Variants in NECTIN4 observed in about 807,000 individuals in gnomAD.
NECTIN4 encodes the protein nectin-4.
A neutral mutation model predicts 51.7 loss-of-function variants in NECTIN4; 19 were observed. The ratio of observed to expected loss-of-function variants is 0.37; its 90% confidence interval spans 0.26 to 0.54. The LOEUF (loss-of-function observed/expected upper bound fraction) is 0.54, where lower values mean the gene tolerates loss of function less well. NECTIN4 is among the 20% of genes least tolerant of loss of function. The pLI is 0.86. For missense variants in NECTIN4, 619 were observed against 662.4 expected, an observed-to-expected ratio of 0.93 and a Z score of 0.72; for synonymous variants, 283 against 286.9, an observed-to-expected ratio of 0.99 and a Z score of 0.14.
chr1:161,079,996 G>T, intron 1 of NECTIN4, 47 bp from the exon 2 acceptor site: 1 of 1,548,798 alleles, frequency 6.5e-7, no homozygotes, highest in Non-Finnish European at 8.7e-7. Flanking sequence ...TGCTGCCAGA[G>T]CTGGGGGAGC....
In NECTIN4 at chr1:161,071,728, A is replaced by G. The variant is rs934839732; in HGVS notation, c.*933T>C. The G allele has an allele frequency of 6.6e-6, 1 of 152,014 alleles. No homozygotes were observed. The highest frequency in any genetic ancestry group is 6.6e-5 in the Admixed American group (1 of 15,250). The allele number at this position is 152,014 out of a possible 1,614,324, so 9.4% of individuals were successfully genotyped here. A position where few individuals can be genotyped will look rare whatever the true frequency, so the allele number is the denominator to read the frequency against. On this transcript the variant is annotated 3_prime_UTR_variant, in exon 9 of 9. Transcript: ENST00000368012. ...TTTCTCTTCGTAAAGGATTCAAAGC[A>G]GGCACAGTGGTGTACACTTAAAGTC...
chr1:161,072,188 A>G lies in NECTIN4; in HGVS notation c.*473T>C. 3.9e-6 allele frequency: 1 copy of G among 259,392 alleles called. No homozygotes were observed. The highest frequency in any genetic ancestry group is 7.7e-6 in the Non-Finnish European group (1 of 129,978). 16.1% of individuals were successfully genotyped at this position (259,392 alleles called of 1,614,324 possible). A position where few individuals can be genotyped will look rare whatever the true frequency, so the allele number is the denominator to read the frequency against. Reference sequence around the variant, plus strand: ...CCACAGTCTCCACCTCTCTCCTCCAACCTCTGCATCATTAATACTGCTCTG... The same window carrying G: ...CCACAGTCTCCACCTCTCTCCTCCAGCCTCTGCATCATTAATACTGCTCTG... On this transcript the variant is annotated 3_prime_UTR_variant, in exon 9 of 9. Transcript: ENST00000368012.
chr1:161,079,540 TC>T, intron 2 of NECTIN4, 49 bp downstream of exon 2: 1 of 1,594,830 alleles, frequency 6.3e-7, no homozygotes, highest in Non-Finnish European at 8.5e-7. Flanking sequence ...CATCTCTGCT[TC>T]CCCCTGCATC....
Position 161,079,761 on chromosome 1 carries a change from C to T in NECTIN4, c.268G>A (p.Val90Met). Residue 90 changes from valine to methionine, a missense_variant, in exon 2 of 9, where the codon GTG (valine) becomes ATG (methionine). Physicochemically the swap from Val to Met is conservative, Grantham distance 21. Around this residue, in one of 3 missense-constraint regions of NECTIN4, gnomAD observed 218 missense variants for 186.3 expected, o/e 1.17. Transcript: ENST00000368012. ...ACGCGGCCCTCGTAAGCCGGGCTCA[C>T]ATGAAGCCCGTATTTGGAGTGCAGT... Reference protein sequence around the residue: ...ALLHSKYGLHVSPAYEGRVEQ... With the variant: ...ALLHSKYGLHMSPAYEGRVEQ... 2 of 1,612,304 alleles carry T rather than the reference C, an allele frequency of 1.2e-6. No homozygotes were observed. Among genetic ancestry groups the T allele is most frequent in the Non-Finnish European group, 1.7e-6 (2 of 1,179,968 alleles).
chr1:161,085,885 G>A (rs549635749), intron 1 of NECTIN4, among the ~76,000 whole-genome samples: 6 of 152,054 alleles, frequency 3.9e-5, no homozygotes, highest in East Asian at 1.9e-4. Flanking sequence ...GGATTTTGCC[G>A]TGTTGCCCAG....
intron 3 of NECTIN4, among the ~76,000 whole-genome samples, chr1:161,076,976 G>A (rs1036526543): frequency 1.4e-4 from 16 of 117,996 alleles, no homozygotes; most frequent in Admixed American, 3.4e-4. Flanking sequence ...CCTTCCATGC[G>A]CTAAGCACTG....
Position 161,074,817 on chromosome 1 carries a change from C to T in NECTIN4, c.852-58G>A, listed in dbSNP as rs577503183. ...GGGAAGGGCTGAAGCCACCACCACC[C>T]AACGTGTCCAGACAGCTCTCCACCC... is the stretch of plus-strand genomic sequence containing the variant. On this transcript the variant is annotated intron_variant, in intron 4 of 8. Coordinates refer to ENST00000368012, the MANE Select transcript of NECTIN4 (RefSeq NM_030916.3). 6.4e-5 allele frequency: 101 copies of T among 1,572,992 alleles called. No individual in the cohort carries two copies. The East Asian group carries it at 8.8e-4, about 14-fold the overall frequency.
In NECTIN4 at chr1:161,076,458, C is replaced by T. The variant is rs1653419950; in HGVS notation, c.748G>A (p.Val250Met). ...LHVSFLAEAS[V>M]RGLEDQNLWH... Reference sequence around the variant, plus strand: ...AGATTTTGGTCTTCAAGGCCCCTCACAGAGGCCTCAGCAAGGACTGGAATG... The same window carrying T: ...AGATTTTGGTCTTCAAGGCCCCTCATAGAGGCCTCAGCAAGGACTGGAATG... The change falls in exon 4 of 9, where the codon GTG becomes ATG. Residue 250 changes from valine (V) to methionine (M), a missense_variant. By Grantham distance (21) the Val-to-Met change is conservative. Transcript: ENST00000368012. 1 of 1,613,990 alleles carries T rather than the reference C, an allele frequency of 6.2e-7. No individual in the cohort carries two copies. Among genetic ancestry groups the T allele is most frequent in the South Asian group, 1.1e-5 (1 of 91,084 alleles).
chr1:161,079,923 T>C lies in NECTIN4; in HGVS notation c.106A>G (p.Thr36Ala), dbSNP rs764362050. The change falls in exon 2 of 9, where the codon ACC (threonine) becomes GCC (alanine). Residue 36 changes from threonine (T) to alanine (A), a missense_variant. By Grantham distance (58) the Thr-to-Ala change is moderately conservative (BLOSUM62 0). Coordinates refer to ENST00000368012, the MANE Select transcript of NECTIN4 (RefSeq NM_030916.3). ...AGCACCACAGTTACCACGTCTGAGG[T>C]CTCCAGCTCACCCGCGGGGCACCGG... ...TGRCPAGELE[T>A]SDVVTVVLGQ... is the part of the protein sequence containing the mutation. 1.9e-6 allele frequency: 3 copies of C among 1,606,610 alleles called. No homozygotes were observed. The highest frequency in any genetic ancestry group is 2.6e-6 in the Non-Finnish European group (3 of 1,174,448).
chr1:161,079,880 A>C lies in NECTIN4; in HGVS notation c.149T>G (p.Leu50Arg). ...GGAGTCCCCTCGGTAGAAGCAGGGC[A>C]GTTTTGCGTCCTGGCCCAGCACCAC... The part of the protein sequence containing the change: ...VTVVLGQDAK[L>R]PCFYRGDSGE... Residue 50 changes from leucine (L) to arginine (R), a missense_variant, in exon 2 of 9, where the codon CTG (leucine) becomes CGG (arginine). By Grantham distance (102) the Leu-to-Arg change is moderately radical. Around this residue, in one of 3 missense-constraint regions of NECTIN4, gnomAD observed 218 missense variants for 186.3 expected, o/e 1.17. Coordinates refer to ENST00000368012, the MANE Select transcript of NECTIN4 (RefSeq NM_030916.3). 1 of 1,613,756 alleles carries C rather than the reference A, an allele frequency of 6.2e-7. No homozygotes were observed. Among genetic ancestry groups the C allele is most frequent in the South Asian group, 1.1e-5 (1 of 91,064 alleles).
intron 1 of NECTIN4, among the ~76,000 whole-genome samples, chr1:161,087,835 GT>G (rs1654018422): frequency 6.6e-6 from 1 of 152,056 alleles, no homozygotes; most frequent in Non-Finnish European, 1.5e-5. Context: ...ATCTCTCTCA[GT>G]TTTTTCATCT....
chr1:161,079,784 A>C lies in NECTIN4; in HGVS notation c.245T>G (p.Leu82Arg). 6.2e-7 allele frequency: 1 copy of C among 1,613,128 alleles called. No homozygotes were observed. Among genetic ancestry groups the C allele is most frequent in the Non-Finnish European group, 8.5e-7 (1 of 1,179,964 alleles). Residue 82 changes from leucine (L) to arginine (R), a missense_variant, in exon 2 of 9, where the codon CTG becomes CGG. Transcript: ENST00000368012. Reference sequence around the variant, plus strand: ...CACATGAAGCCCGTATTTGGAGTGCAGTAGCGCTAGTTCCTGGGCGCCTTC... The same window carrying C: ...CACATGAAGCCCGTATTTGGAGTGCCGTAGCGCTAGTTCCTGGGCGCCTTC... ...AGEGAQELAL[L>R]HSKYGLHVSP...
chr1:161,081,487 C>T (rs1372893399), intron 1 of NECTIN4, among the ~76,000 whole-genome samples: 1 of 151,984 alleles, frequency 6.6e-6, no homozygotes, highest in Non-Finnish European at 1.5e-5. Flanking sequence ...GGAGACAGGG[C>T]CTGAGGATGT....
chr1:161,075,269 A>G (rs1393174960), intron 4 of NECTIN4, among the ~76,000 whole-genome samples: 1 of 152,196 alleles, frequency 6.6e-6, no homozygotes, highest in Admixed American at 6.5e-5. Context: ...GACTCTCTAG[A>G]TATTTCAGAT....
rs746138052 is a variant in NECTIN4, at chr1:161,077,682, C to T, written c.501G>A (p.Leu167=). 13 of 1,613,034 alleles carry T rather than the reference C, an allele frequency of 8.1e-6. 1 individual carries two copies. The highest frequency in any genetic ancestry group is 5.9e-6 in the Non-Finnish European group (7 of 1,180,010). The change falls in exon 3 of 9, where the codon CTG becomes CTA. Residue 167 remains leucine (L), a synonymous_variant. Transcript: ENST00000368012. ...PALEEGQGLT[L]AASCTAEGSP... is the part of the protein sequence containing the mutation. ...TGCCCTCAGCTGTGCAGGAGGCTGC[C>T]AGGGTCAGGCCCTGGCCCTCTTCTA...
intron 1 of NECTIN4, among the ~76,000 whole-genome samples, chr1:161,081,969 T>G (rs1313778862): frequency 6.6e-6 from 1 of 152,124 alleles, no homozygotes; most frequent in Non-Finnish European, 1.5e-5. Flanking sequence ...CCGTCAACAT[T>G]TATTGACCAA....
rs1285682131 is a variant in NECTIN4, at chr1:161,077,604, G to T, written c.579C>A (p.Ser193Arg). The T allele has an allele frequency of 1.9e-6, 3 of 1,613,710 alleles. No homozygotes were observed. Among genetic ancestry groups the T allele is most frequent in the Non-Finnish European group, 2.5e-6 (3 of 1,180,048 alleles). The stretch of plus-strand genomic sequence containing the variant: ...CAGAGCGGGAGTGCTTGAAGGAACG[G>T]CTGGACGTTGTGCCTTTGACCTCCG... The part of the protein sequence containing the change: ...WDTEVKGTTS[S>R]RSFKHSRSAA... The change falls in exon 3 of 9, where the codon AGC becomes AGA. Residue 193 changes from serine (S) to arginine (R), a missense_variant. Ser to Arg is a moderately radical substitution (Grantham distance 110). Transcript: ENST00000368012.
At position 161,076,833 on chromosome 1, in the gene NECTIN4, A is replaced by G. The variant is rs923767435; in HGVS notation, c.731-358T>C. On this transcript the variant is annotated intron_variant, in intron 3 of 8. Transcript: ENST00000368012. ...TGCCTGATTTTTCAAAGGTGTAACA[A>G]TCCTACTAGTTCATTCATTTCTTCA... is the stretch of plus-strand genomic sequence containing the variant. 9.2e-5 allele frequency among the ~76,000 whole-genome samples: 14 copies of G among 152,250 alleles called. No individual in the cohort carries two copies. The East Asian group carries it at 2.7e-3, about 29-fold the overall frequency.
chr1:161,073,174 A>G, intron 8 of NECTIN4, 51 bp downstream of exon 8: 2 of 1,525,080 alleles, frequency 1.3e-6, no homozygotes, highest in African/African-American at 2.7e-5. Context: ...TGGGACCAGG[A>G]CAGGGGCCCG....
Sources: gnomAD v4.1 joint callset for allele counts (sites outside exome capture counted in the v4.1 genomes callset) on GRCh38, gnomAD v4.1.1 for gene constraint, gnomAD v4.1.1 regional missense constraint, MANE v1.5 for transcripts, NCBI Gene and HGNC (gene_info 2026-07-23, HGNC 2026-07-21) for gene names.